The following SLC8A1 variants were observed in gnomAD, a reference collection of about 807,000 sequenced individuals.
The protein encoded by SLC8A1 is solute carrier family 8 member A1.
Under a neutral mutation model 68.3 loss-of-function variants are expected in SLC8A1, and 18 were observed. That is an observed-to-expected ratio of 0.26 (90% CI 0.18 to 0.39). SLC8A1 has a LOEUF of 0.39. SLC8A1 is among the 10% of genes least tolerant of loss of function. The pLI is 1.00. For synonymous variants in SLC8A1, 475 were observed against 415.5 expected (o/e 1.14, Z -1.74); for missense variants, 985 against 1,156.7 (o/e 0.85, Z 2.15).
intron 1 of SLC8A1, among the ~76,000 whole-genome samples, chr2:40,481,138 TATGTTTGTGCATCC>T (rs759881713): frequency 8.5e-5 from 13 of 152,206 alleles, no homozygotes; most frequent in Admixed American, 1.3e-4. Context: ...TGTGTGTGTG[TATGTTTGTGCATCC>T]ATGTGCACAC....
intron 2 of SLC8A1, among the ~76,000 whole-genome samples, chr2:40,383,378 T>C (rs931994303): frequency 1.3e-5 from 2 of 152,126 alleles, no homozygotes; most frequent in Admixed American, 1.3e-4. Flanking sequence ...TCCTTCGCCA[T>C]GTTTATAAGA....
intron 2 of SLC8A1, among the ~76,000 whole-genome samples, chr2:40,261,404 A>G (rs1306723089): frequency 6.6e-6 from 1 of 152,192 alleles, no homozygotes; most frequent in Non-Finnish European, 1.5e-5. Flanking sequence ...GCACCAATCT[A>G]ACAGAATTTA....
intron 2 of SLC8A1, among the ~76,000 whole-genome samples, chr2:40,354,835 TA>T (rs1186982129): frequency 3.9e-5 from 6 of 152,216 alleles, no homozygotes; most frequent in Non-Finnish European, 5.9e-5. Flanking sequence ...TGGCAGTGTT[TA>T]TTTTTTTACA....
intron 2 of SLC8A1, among the ~76,000 whole-genome samples, chr2:40,399,312 C>T (rs1019661484): frequency 3.3e-5 from 5 of 151,410 alleles, no homozygotes; most frequent in Middle Eastern, 3.2e-3. Flanking sequence ...CTCTACCCCT[C>T]GTCTCCCCTA....
chr2:40,324,782 T>C (rs1316170247), intron 2 of SLC8A1, among the ~76,000 whole-genome samples: 1 of 152,124 alleles, frequency 6.6e-6, no homozygotes, highest in Non-Finnish European at 1.5e-5. Flanking sequence ...CCCACAAAGG[T>C]TGCATCTTGA....
chr2:40,283,554 G>T (rs1440969664), intron 2 of SLC8A1, among the ~76,000 whole-genome samples: 1 of 152,168 alleles, frequency 6.6e-6, no homozygotes, highest in Non-Finnish European at 1.5e-5. Context: ...CACTGTTTTT[G>T]TGACAACCCT....
At chr2:40,145,672 A>C (rs886424748) in intron 6 of SLC8A1, among the ~76,000 whole-genome samples, 10 of 152,230 alleles carry the variant, frequency 6.6e-5, no homozygotes, top group African/African-American at 2.4e-4. Flanking sequence ...GCGATCAGCT[A>C]AGAAAAATAA....
chr2:40,505,655 T>C (rs2149941363), intron 1 of SLC8A1, among the ~76,000 whole-genome samples: 1 of 152,080 alleles, frequency 6.6e-6, no homozygotes, highest in South Asian at 2.1e-4. Context: ...GGGGAGCAGT[T>C]GATTTGTGCA....
chr2:40,287,582 A>ATGTGTGTG (rs10522914), intron 2 of SLC8A1, among the ~76,000 whole-genome samples: 2,549 of 127,542 alleles, frequency 0.02, 68 homozygotes, highest in Middle Eastern at 0.038. Context: ...CAGAGGAATG[A>ATGTGTGTG]TGTGTGTGTG....
chr2:40,457,519 A>G (rs1030288198), intron 1 of SLC8A1, among the ~76,000 whole-genome samples: 2 of 152,176 alleles, frequency 1.3e-5, no homozygotes, highest in African/African-American at 4.8e-5. Context: ...AAAATTGACT[A>G]AACTTATGGG....
intron 2 of SLC8A1, chr2:40,250,965 T>TATCA (rs927670784): frequency 2.6e-5 from 4 of 152,172 alleles, no homozygotes; most frequent in African/African-American, 9.7e-5. Context: ...TCCCACCAGC[T>TATCA]ATCAAATGAA....
chr2:40,301,513 G>A (rs964964970), intron 2 of SLC8A1, among the ~76,000 whole-genome samples: 6 of 151,548 alleles, frequency 4.0e-5, no homozygotes, highest in Non-Finnish European at 5.9e-5. Context: ...AAGATCATAT[G>A]TTCTCACTCA....
At chr2:40,505,432 T>C (rs886202673) in intron 1 of SLC8A1, among the ~76,000 whole-genome samples, 8 of 151,968 alleles carry the variant, frequency 5.3e-5, no homozygotes, top group Non-Finnish European at 1.2e-4. Context: ...TGCATGCCTG[T>C]ATCCAAACAT....
chr2:40,178,283 G>A, intron 2 of SLC8A1, 104 bp downstream of exon 3: 1 of 850,618 alleles, frequency 1.2e-6, no homozygotes, highest in Non-Finnish European at 2.0e-6. Context: ...TACATAGGTG[G>A]AGGGATGTGT....
Position 40,219,875 on chromosome 2 carries a change from A to ATTTTTTT in SLC8A1, c.1809-42027_1809-42021dup, listed in dbSNP as rs1162934399. Among the ~76,000 whole-genome samples, 23 of 27,770 alleles carry ATTTTTTT rather than the reference A, an allele frequency of 8.3e-4. 2 individuals carry two copies. Among genetic ancestry groups the ATTTTTTT allele is most frequent in the African/African-American group, 2.1e-3 (23 of 10,922 alleles). The allele number at this position is 27,770 out of a possible 152,430, so 18.2% of individuals were successfully genotyped here. On this transcript the variant is annotated intron_variant, in intron 2 of 7. Coordinates refer to ENST00000406785, the Ensembl canonical transcript of SLC8A1. ...TCCAACAGAGCCTCCCTACTATAGGATTTTTTTTTTTTTTTTTTTTTTTTT... is the reference window on the plus strand; with the variant it reads ...TCCAACAGAGCCTCCCTACTATAGGATTTTTTTTTTTTTTTTTTTTTTTTTTTTTTTT...
At chr2:40,215,506 G>A (rs1338424613) in intron 2 of SLC8A1, among the ~76,000 whole-genome samples, 3 of 151,750 alleles carry the variant, frequency 2.0e-5, no homozygotes, top group South Asian at 2.1e-4. Flanking sequence ...GCACGGTGGC[G>A]GGCGCCTGTA....
intron 7 of SLC8A1, among the ~76,000 whole-genome samples, chr2:40,121,545 A>G (rs1175463064): frequency 6.6e-6 from 1 of 152,054 alleles, no homozygotes; most frequent in East Asian, 1.9e-4. Flanking sequence ...TTTAAACCCT[A>G]TTCCAGCTAC....
chr2:40,267,784 G>A (rs1423183863), intron 2 of SLC8A1, among the ~76,000 whole-genome samples: 1 of 152,162 alleles, frequency 6.6e-6, no homozygotes, highest in Admixed American at 6.5e-5. Flanking sequence ...TATTATAGGA[G>A]AATAAAGAGC....
intron 2 of SLC8A1, among the ~76,000 whole-genome samples, chr2:40,215,666 A>C (rs2057358259): frequency 6.6e-6 from 1 of 151,286 alleles, no homozygotes; most frequent in South Asian, 2.1e-4. Context: ...AAAAAAAAAA[A>C]AAAAAGTTAT....
Sources: gnomAD v4.1 joint callset for allele counts (sites outside exome capture counted in the v4.1 genomes callset) on GRCh38, gnomAD v4.1.1 for gene constraint, MANE v1.5 for transcripts, NCBI Gene and HGNC (gene_info 2026-07-23, HGNC 2026-07-21) for gene names.